Variants in PRH1 observed in about 807,000 individuals in gnomAD.
PRH1 encodes the protein salivary acidic proline-rich phosphoprotein 1/2.
PRH1 carries 7 observed loss-of-function variants against 7.9 expected under a neutral mutation model. That is an observed-to-expected ratio of 0.89 (90% CI 0.50 to 1.67). The LOEUF is 1.67. PRH1 is among the 40% of genes most tolerant of loss of function. The probability of loss-of-function intolerance (pLI) is 0.00; values close to 1 mark genes in which losing one functional copy is unlikely to be tolerated. For missense variants in PRH1, 109 were observed against 223.6 expected, an observed-to-expected ratio of 0.49 and a Z score of 3.27; for synonymous variants, 45 against 80.8, an observed-to-expected ratio of 0.56 and a Z score of 2.38.
At chr12:10,922,149 A>C (rs1224609981) in intron 2 of PRH1, among the ~76,000 whole-genome samples, 1 of 152,138 alleles carries the variant, frequency 6.6e-6, no homozygotes, top group African/African-American at 2.4e-5. Flanking sequence ...CACCTAAACC[A>C]CCTAGAACAG....
intron 1 of PRH1, among the ~76,000 whole-genome samples, chr12:11,074,437 G>GCTA (rs1251714227): frequency 7.5e-6 from 1 of 132,488 alleles, no homozygotes; most frequent in Non-Finnish European, 1.7e-5. Context: ...GGTCTAAGGG[G>GCTA]AACCGCTGGA....
chr12:10,909,283 G>A (rs765108797), intron 2 of PRH1: 1 of 1,611,924 alleles, frequency 6.2e-7, no homozygotes, highest in Admixed American at 1.7e-5. Flanking sequence ...AAGATACTCG[G>A]CAGGGCACTT....
intron 2 of PRH1, among the ~76,000 whole-genome samples, chr12:10,905,647 C>T (rs1949792410): frequency 6.8e-6 from 1 of 148,114 alleles, no homozygotes; most frequent in Admixed American, 6.9e-5. Context: ...GCCTGAGAAA[C>T]AGAGTAAGAT....
At chr12:11,070,841 G>A (rs77523475) in intron 1 of PRH1, among the ~76,000 whole-genome samples, 66,007 of 116,298 alleles carry the variant, frequency 0.57, 15,309 homozygotes, top group Non-Finnish European at 0.65. Flanking sequence ...TATTTGCGTT[G>A]GCTTTTTCAG....
chr12:10,948,042 T>C (rs972477404), intron 2 of PRH1, among the ~76,000 whole-genome samples: 1 of 152,150 alleles, frequency 6.6e-6, no homozygotes, highest in East Asian at 1.9e-4. Flanking sequence ...CTGCCCTTTC[T>C]CTCTGGCTGC....
At chr12:10,968,609 G>C (rs1230732352) in intron 2 of PRH1, among the ~76,000 whole-genome samples, 1 of 152,190 alleles carries the variant, frequency 6.6e-6, no homozygotes, top group African/African-American at 2.4e-5. Context: ...CTTTGATGGA[G>C]GACATTTCCC....
intron 2 of PRH1, among the ~76,000 whole-genome samples, chr12:10,900,349 C>T (rs1176464650): frequency 6.6e-6 from 1 of 152,198 alleles, no homozygotes; most frequent in Non-Finnish European, 1.5e-5. Flanking sequence ...CAGGCCTTTT[C>T]TCAGACCCAG....
At chr12:11,005,900 A>T (rs1175059427) in intron 1 of PRH1, 1 of 152,152 alleles carries the variant, frequency 6.6e-6, no homozygotes, top group Non-Finnish European at 1.5e-5. Flanking sequence ...GGCACTTATT[A>T]AAAAATATGT....
intron 1 of PRH1, among the ~76,000 whole-genome samples, chr12:11,100,132 T>A (rs1477506868): frequency 2.0e-5 from 3 of 152,058 alleles, no homozygotes; most frequent in Non-Finnish European, 4.4e-5. Context: ...AATCAAAAAC[T>A]TTAATATTAA....
At position 10,986,253 on chromosome 12, in the gene PRH1, CACAGAGA is replaced by C. The variant is rs1939618299; in HGVS notation, c.-125-12539_-125-12533del. The C allele has an allele frequency of 1.9e-6, 3 of 1,613,810 alleles. No homozygotes were observed. In the African/African-American group the frequency reaches 4.0e-5, roughly 22 times the overall value. On this transcript the variant is annotated intron_variant, in intron 1 of 3. Transcript: ENST00000539853. ...GAGCTGCATCTTCTTGAGATGTTTACACAGAGAACAGATTAGCATCAGAAAAGATATC... is the reference window on the plus strand; with the variant it reads ...GAGCTGCATCTTCTTGAGATGTTTACACAGATTAGCATCAGAAAAGATATC...
chr12:11,084,572 C>G (rs1036579003), intron 1 of PRH1, among the ~76,000 whole-genome samples: 1 of 145,262 alleles, frequency 6.9e-6, no homozygotes, highest in Non-Finnish European at 1.5e-5. Context: ...ATGAAAATTC[C>G]CATTACTTCA....
intron 1 of PRH1, among the ~76,000 whole-genome samples, chr12:11,044,839 C>A (rs962513909): frequency 6.6e-6 from 1 of 152,094 alleles, no homozygotes; most frequent in African/African-American, 2.4e-5. Context: ...AAACGGGAAC[C>A]ATTCTACACC....
chr12:11,152,258 G>C (rs1947122338), intron 1 of PRH1, among the ~76,000 whole-genome samples: 1 of 116,286 alleles, frequency 8.6e-6, no homozygotes, highest in African/African-American at 3.4e-5. Context: ...ACAGGCCCCG[G>C]TGTGTGATGT....
intron 1 of PRH1, among the ~76,000 whole-genome samples, chr12:10,978,599 T>C (rs185721262): frequency 6.6e-6 from 1 of 152,266 alleles, no homozygotes; most frequent in East Asian, 1.9e-4. Flanking sequence ...CTAAAGAGTT[T>C]CTGCACAAGA....
At chr12:11,150,586 T>C (rs944886059) in intron 1 of PRH1, among the ~76,000 whole-genome samples, 1 of 151,820 alleles carries the variant, frequency 6.6e-6, no homozygotes, top group Non-Finnish European at 1.5e-5. Context: ...AACCAAACAC[T>C]GCATGTTCTC....
intron 1 of PRH1, among the ~76,000 whole-genome samples, chr12:11,063,471 T>G (rs896992159): frequency 6.6e-6 from 1 of 152,012 alleles, no homozygotes; most frequent in African/African-American, 2.4e-5. Context: ...CCAGACCAAA[T>G]TGGCCAAACT....
upstream of PRH1, among the ~76,000 whole-genome samples, chr12:10,886,157 CG>C (rs1303998149): frequency 1.3e-5 from 2 of 152,136 alleles, no homozygotes; most frequent in Admixed American, 1.3e-4. Flanking sequence ...GCTCCCAATG[CG>C]TTATGGAGAT....
At chr12:11,158,683 G>C (rs1339460974) in intron 1 of PRH1, 2 of 152,014 alleles carry the variant, frequency 1.3e-5, no homozygotes, top group Non-Finnish European at 2.9e-5. Flanking sequence ...ACACTTAAAA[G>C]GACTCCAAAA....
chr12:10,997,526 A>T, intron 1 of PRH1: 1 of 1,614,014 alleles, frequency 6.2e-7, no homozygotes, highest in South Asian at 1.1e-5. Context: ...GTGATGAAAA[A>T]TAAGTCTGGA....
Sources: gnomAD v4.1 joint callset for allele counts (sites outside exome capture counted in the v4.1 genomes callset) on GRCh38, gnomAD v4.1.1 for gene constraint, MANE v1.5 for transcripts, NCBI Gene and HGNC (gene_info 2026-07-23, HGNC 2026-07-21) for gene names.